Variants in MYH9 observed in about 807,000 individuals in gnomAD.
The protein encoded by MYH9 is myosin heavy chain 9.
In MYH9, 29 loss-of-function variants were observed where a neutral mutation model predicts 241.9. The observed-to-expected ratio is 0.12, with a 90% CI of 0.09 to 0.16. The LOEUF (loss-of-function observed/expected upper bound fraction) is 0.16. MYH9 is among the 10% of genes least tolerant of loss of function. The probability of loss-of-function intolerance (pLI) is 1.00; values close to 1 mark genes in which losing one functional copy is unlikely to be tolerated. For missense variants in MYH9, 1,803 were observed against 2,595.5 expected, an observed-to-expected ratio of 0.69 and a Z score of 6.63; for synonymous variants, 1,047 against 1,062.6, an observed-to-expected ratio of 0.99 and a Z score of 0.29.
chr22:36,299,301 A>G (rs1474549382), intron 23 of MYH9, among the ~76,000 whole-genome samples: 1 of 152,142 alleles, frequency 6.6e-6, no homozygotes, highest in Non-Finnish European at 1.5e-5. Context: ...CTTGGGTGAG[A>G]AAGGATTCCA....
intron 1 of MYH9, among the ~76,000 whole-genome samples, chr22:36,357,124 C>T (rs1009773614): frequency 2.6e-5 from 4 of 152,208 alleles, no homozygotes; most frequent in Admixed American, 1.3e-4. Context: ...CGTCAACAAC[C>T]GGCTCCACCA....
chr22:36,385,440 A>G (rs993461979), intron 1 of MYH9, among the ~76,000 whole-genome samples: 1 of 152,174 alleles, frequency 6.6e-6, no homozygotes, highest in African/African-American at 2.4e-5. Context: ...TCTTTTAAAG[A>G]GCTAACAGAT....
intron 1 of MYH9, 72 bp from the exon 2 acceptor site, chr22:36,349,327 C>T (rs944920776): frequency 1.7e-6 from 2 of 1,151,162 alleles, no homozygotes; most frequent in African/African-American, 3.0e-5. Context: ...CATGCTCACA[C>T]CTCTTCTCTT....
intron 1 of MYH9, among the ~76,000 whole-genome samples, chr22:36,384,611 A>AATATATATATATATATAT (rs753952544): frequency 4.8e-5 from 2 of 41,450 alleles, no homozygotes; most frequent in African/African-American, 1.1e-4. Flanking sequence ...AAAAAAAAAA[A>AATATATATATATATATAT]ATATATATAT....
intron 13 of MYH9, among the ~76,000 whole-genome samples, chr22:36,312,813 A>G (rs1035101850): frequency 6.6e-6 from 1 of 152,204 alleles, no homozygotes; most frequent in Non-Finnish European, 1.5e-5. Context: ...AGCTCATTAC[A>G]AAAGTAAATT....
chr22:36,377,427 A>G (rs895741666), intron 1 of MYH9, among the ~76,000 whole-genome samples: 3 of 152,198 alleles, frequency 2.0e-5, no homozygotes, highest in Non-Finnish European at 4.4e-5. Flanking sequence ...TAAAAAAAAA[A>G]ATACTTAAAC....
At chr22:36,374,055 ACCC>A (rs1398019655) in intron 1 of MYH9, among the ~76,000 whole-genome samples, 1 of 148,266 alleles carries the variant, frequency 6.7e-6, no homozygotes, top group Non-Finnish European at 1.5e-5. Context: ...CACCACACAC[ACCC>A]CCACCTTATT....
chr22:36,309,489 A>G (rs1603483221), intron 14 of MYH9, 93 bp from the exon 15 acceptor site: 1 of 898,478 alleles, frequency 1.1e-6, no homozygotes, highest in East Asian at 2.5e-5. Flanking sequence ...CATGCATGGA[A>G]AAGTCAGAAA....
intron 7 of MYH9, 151 bp downstream of exon 7, chr22:36,321,607 C>T (rs139601126): frequency 4.7e-5 from 38 of 802,878 alleles, no homozygotes; most frequent in African/African-American, 4.7e-4. Flanking sequence ...TTGCACTAGC[C>T]GATCCTGACA....
Position 36,322,559 on chromosome 22 carries a change from C to T in MYH9, c.613-38G>A, listed in dbSNP as rs762845333. On this transcript the variant is annotated intron_variant, in intron 5 of 40. Coordinates refer to ENST00000216181, the MANE Select transcript of MYH9 (RefSeq NM_002473.6). ...CAGGGACGCAGTGAAGGCCGGGCAGCGACCTGGGCTGCCGAGCCTGCCCTG... is the reference window on the plus strand; with the variant it reads ...CAGGGACGCAGTGAAGGCCGGGCAGTGACCTGGGCTGCCGAGCCTGCCCTG... 30 of 1,602,294 alleles carry T rather than the reference C, an allele frequency of 1.9e-5. No individual in the cohort carries two copies. In the Admixed American group the frequency reaches 3.5e-4, roughly 19 times the overall value.
intron 1 of MYH9, among the ~76,000 whole-genome samples, chr22:36,387,287 C>T (rs1248721202): frequency 1.3e-5 from 2 of 152,212 alleles, no homozygotes; most frequent in African/African-American, 2.4e-5. Context: ...CTCAGGAGGA[C>T]GCCCTGACAG....
Position 36,320,362 on chromosome 22 carries a change from G to A in MYH9, c.870C>T (p.Thr290=), listed in dbSNP as rs144683949. ...TGTTGTACGGCTCCAACAGGAGATCGGCTGTAAGGGGTGGAGGGCAAGGGC... is the reference window on the plus strand; with the variant it reads ...TGTTGTACGGCTCCAACAGGAGATCAGCTGTAAGGGGTGGAGGGCAAGGGC... ...LLSGAGEHLK[T]DLLLEPYNKY... Residue 290 remains threonine (T), a splice_region_variant and synonymous_variant, in exon 9 of 41, where the codon ACC becomes ACT. Coordinates refer to ENST00000216181, the MANE Select transcript of MYH9 (RefSeq NM_002473.6). The surrounding 1 kb of genome is among the most constrained non-coding windows in gnomAD (Gnocchi z 4.8). 70 of 1,613,326 alleles carry A rather than the reference G, an allele frequency of 4.3e-5. 1 individual carries two copies. The Admixed American group carries it at 4.8e-4, about 11-fold the overall frequency.
At position 36,305,843 on chromosome 22, in the gene MYH9, A is replaced by C; in HGVS notation, c.2159+87T>G. On this transcript the variant is annotated intron_variant, in intron 17 of 40. Transcript: ENST00000216181. The surrounding 1 kb of genome is among the most constrained non-coding windows in gnomAD (Gnocchi z 4.7). ...GAGGACGTCGCTCCCTCACGACAGG[A>C]TCCTGCCAGGGAGCAGCAGCCCACC... 6.3e-7 allele frequency: 1 copy of C among 1,587,666 alleles called. No individual in the cohort carries two copies. The highest frequency in any genetic ancestry group is 1.1e-5 in the South Asian group (1 of 90,416).
intron 25 of MYH9, among the ~76,000 whole-genome samples, chr22:36,296,154 C>T (rs2016784190): frequency 6.6e-6 from 1 of 152,102 alleles, no homozygotes; most frequent in Admixed American, 6.5e-5. Context: ...GCAGGGGAGG[C>T]GGTGCGTGAG....
At chr22:36,307,021 G>GA (rs879629329) in intron 15 of MYH9, among the ~76,000 whole-genome samples, 356 of 145,574 alleles carry the variant, frequency 2.4e-3, no homozygotes, top group African/African-American at 7.7e-3. Flanking sequence ...GTCACAGTTA[G>GA]AAAAAAAAAA....
chr22:36,283,437 T>C (rs758220411), intron 40 of MYH9, among the ~76,000 whole-genome samples: 5 of 150,854 alleles, frequency 3.3e-5, no homozygotes, highest in Non-Finnish European at 5.9e-5. Context: ...CTCCAGGGGC[T>C]GAGGGAGGAG....
chr22:36,299,013 A>G lies in MYH9; in HGVS notation c.3006T>C (p.Ala1002=), dbSNP rs747009581. 35 of 1,613,934 alleles carry G rather than the reference A, an allele frequency of 2.2e-5. No individual in the cohort carries two copies. Among genetic ancestry groups the G allele is most frequent in the Non-Finnish European group, 3.0e-5 (35 of 1,179,990 alleles). Residue 1002 remains alanine, a synonymous_variant, in exon 24 of 41, where the codon GCT becomes GCC. Transcript: ENST00000216181. The stretch of plus-strand genomic sequence containing the variant: ...CTTCTGTGAGGTTGGTGGTGAACTC[A>G]GCTATTCTGTCTTCCAGCAGTTTCT... ...KEKKLLEDRI[A]EFTTNLTEEE...
chr22:36,358,029 C>A (rs62230200), intron 1 of MYH9, among the ~76,000 whole-genome samples: 1 of 152,000 alleles, frequency 6.6e-6, no homozygotes, highest in Non-Finnish European at 1.5e-5. Flanking sequence ...GGAAGACAAG[C>A]GGGAGCCACA....
Position 36,292,150 on chromosome 22 carries a change from G to A in MYH9, c.4180C>T (p.Leu1394=). ...EEVKRKLQKD[L]EGLSQRHEEK... is the part of the protein sequence containing the mutation. Reference sequence around the variant, plus strand: ...TCGTGCCGCTGGCTCAGGCCCTCCAGGTCCTTCTGGAGCTTCCTCTTCACC... The same window carrying A: ...TCGTGCCGCTGGCTCAGGCCCTCCAAGTCCTTCTGGAGCTTCCTCTTCACC... The change falls in exon 31 of 41, where the codon CTG becomes TTG. Residue 1394 remains leucine (L), a synonymous_variant. Transcript: ENST00000216181. 1 of 1,614,194 alleles carries A rather than the reference G, an allele frequency of 6.2e-7. No individual in the cohort carries two copies. The highest frequency in any genetic ancestry group is 8.5e-7 in the Non-Finnish European group (1 of 1,180,042).
Sources: allele counts gnomAD v4.1 joint callset (sites outside exome capture counted in the v4.1 genomes callset), GRCh38; gene constraint gnomAD v4.1.1; non-coding constraint Gnocchi (gnomAD v3.1); transcripts MANE v1.5; gene names NCBI Gene and HGNC (gene_info 2026-07-23, HGNC 2026-07-21).